Variants in ATAD2B observed in about 807,000 individuals in gnomAD.
ATAD2B encodes ATPase family AAA domain-containing protein 2B.
ATAD2B carries 40 observed loss-of-function variants against 167.6 expected under a neutral mutation model. The observed-to-expected ratio is 0.24, with a 90% confidence interval of 0.19 to 0.31. The LOEUF is 0.31. Among genes scored for constraint, ATAD2B ranks in the 10% least tolerant of loss-of-function variants. The pLI, the probability that ATAD2B is intolerant of heterozygous loss-of-function variation, is 1.00. For synonymous variants in ATAD2B, 579 were observed against 596.5 expected (o/e 0.97, Z 0.43); for missense variants, 1,242 against 1,757.2 (o/e 0.71, Z 5.24).
intron 15 of ATAD2B, among the ~76,000 whole-genome samples, chr2:23,827,577 G>A (rs892737939): frequency 6.6e-6 from 1 of 152,120 alleles, no homozygotes; most frequent in African/African-American, 2.4e-5. Context: ...TTCCCAGTCC[G>A]ATCTGAACTC....
At chr2:23,767,038 A>C (rs1276214828) in intron 22 of ATAD2B, among the ~76,000 whole-genome samples, 1 of 152,160 alleles carries the variant, frequency 6.6e-6, no homozygotes, top group Non-Finnish European at 1.5e-5. Flanking sequence ...ATGAGTTCTA[A>C]ATTTCTTTTC....
intron 21 of ATAD2B, among the ~76,000 whole-genome samples, chr2:23,785,233 A>T (rs1285998883): frequency 6.6e-6 from 1 of 152,098 alleles, no homozygotes; most frequent in Non-Finnish European, 1.5e-5. Flanking sequence ...TGAATCACCC[A>T]TAATTCATTT....
At chr2:23,794,897 A>G (rs1211277734) in intron 19 of ATAD2B, among the ~76,000 whole-genome samples, 1 of 152,184 alleles carries the variant, frequency 6.6e-6, no homozygotes. Flanking sequence ...ATGCACAAGT[A>G]CAAACTTATC....
the ATAD2B span, among the ~76,000 whole-genome samples, chr2:23,681,008 G>A: frequency 6.6e-6 from 1 of 152,228 alleles, no homozygotes; most frequent in Non-Finnish European, 1.5e-5. The surrounding 1 kb of genome is among the most constrained non-coding windows in gnomAD (Gnocchi z 4.2). Flanking sequence ...AAGCTTCTCA[G>A]AGATCAGGGA....
chr2:23,855,192 CAA>C (rs869284711), intron 13 of ATAD2B, among the ~76,000 whole-genome samples: 5,531 of 95,160 alleles, frequency 0.058, 97 homozygotes, highest in Admixed American at 0.078. Flanking sequence ...GACTCTGTCT[CAA>C]AAAAAAAAAA....
Position 23,803,215 on chromosome 2 carries a change from G to A in ATAD2B, c.2455-4892C>T, listed in dbSNP as rs73922015. 2.5e-3 allele frequency among the ~76,000 whole-genome samples: 376 copies of A among 152,102 alleles called. 2 individuals are homozygous for A. The highest frequency in any genetic ancestry group is 8.5e-3 in the African/African-American group (352 of 41,486). The stretch of plus-strand genomic sequence containing the variant: ...TTGTTGTAGGACTCAGTAATTACTT[G>A]TGAACTTAAGGGGGCAACTATAAAT... On this transcript the variant is annotated intron_variant, in intron 18 of 27. Transcript: ENST00000238789.
the ATAD2B span, among the ~76,000 whole-genome samples, chr2:23,724,605 A>G: frequency 1.3e-5 from 2 of 152,166 alleles, no homozygotes; most frequent in Non-Finnish European, 2.9e-5. Context: ...TGATTACTGA[A>G]AACTTCCCAA....
intron 22 of ATAD2B, among the ~76,000 whole-genome samples, chr2:23,780,331 A>G (rs935438168): frequency 6.7e-6 from 1 of 149,876 alleles, no homozygotes; most frequent in Non-Finnish European, 1.5e-5. Flanking sequence ...AAAAGAGGTA[A>G]AGCAAACAAA....
chr2:23,838,123 AAT>A (rs1196579022), intron 13 of ATAD2B, among the ~76,000 whole-genome samples: 1 of 152,222 alleles, frequency 6.6e-6, no homozygotes, highest in Non-Finnish European at 1.5e-5. Flanking sequence ...CTATAAGCGG[AAT>A]CAAAATGCTA....
chr2:23,884,839 C>T lies in ATAD2B; in HGVS notation c.710G>A (p.Arg237Gln), dbSNP rs751664486. The T allele has an allele frequency of 3.1e-6, 5 of 1,594,230 alleles. No homozygotes were observed. Among genetic ancestry groups the T allele is most frequent in the Non-Finnish European group, 3.4e-6 (4 of 1,169,642 alleles). ...NMDMYSRVKR[R>Q]RKSLRRNSYG... The stretch of plus-strand genomic sequence containing the variant: ...ACTATTTCTTCTTAGTGACTTTCTT[C>T]GCCTTTTCACTCTTGAATACATATC... The change falls in exon 6 of 28, where the codon CGA (arginine) becomes CAA (glutamine). Residue 237 changes from arginine (R) to glutamine (Q), a missense_variant. Physicochemically the swap from Arg to Gln is conservative, Grantham distance 43. Around this residue, in one of 9 missense-constraint regions of ATAD2B, gnomAD observed 99 missense variants for 160.4 expected, o/e 0.62. Coordinates refer to ENST00000238789, the MANE Select transcript of ATAD2B (RefSeq NM_017552.4).
the ATAD2B span, among the ~76,000 whole-genome samples, chr2:23,732,662 C>G: frequency 7.4e-4 from 113 of 152,258 alleles, no homozygotes; most frequent in African/African-American, 2.6e-3. Flanking sequence ...TCCTAAACTT[C>G]ACAACAGCCC....
intron 22 of ATAD2B, among the ~76,000 whole-genome samples, chr2:23,782,433 A>G (rs2149389205): frequency 6.6e-6 from 1 of 152,358 alleles, no homozygotes; most frequent in East Asian, 1.9e-4. Context: ...AAAATAACAC[A>G]GTTACATAGA....
At chr2:23,907,558 G>C (rs1701676610) in intron 1 of ATAD2B, among the ~76,000 whole-genome samples, 1 of 152,176 alleles carries the variant, frequency 6.6e-6, no homozygotes, top group African/African-American at 2.4e-5. Context: ...GTAATTTACA[G>C]ATTCAATGCC....
chr2:23,892,350 G>T (rs1284367607), intron 2 of ATAD2B, among the ~76,000 whole-genome samples: 1 of 152,072 alleles, frequency 6.6e-6, no homozygotes. Flanking sequence ...TTTTTTAGTA[G>T]AGACGGGGTT....
intron 9 of ATAD2B, 22 bp from the exon 10 acceptor site, chr2:23,867,968 G>C (rs1350616151): frequency 1.3e-6 from 2 of 1,486,956 alleles, no homozygotes; most frequent in Non-Finnish European, 1.9e-6. Flanking sequence ...AAAAGTGCAA[G>C]TAAAGTTGCA....
chr2:23,807,414 T>G (rs1284468712), intron 18 of ATAD2B, among the ~76,000 whole-genome samples: 1 of 152,164 alleles, frequency 6.6e-6, no homozygotes, highest in Non-Finnish European at 1.5e-5. Flanking sequence ...TCAAAAGAGT[T>G]GATCAGAAGA....
At chr2:23,868,963 A>G (rs1695540475) in intron 9 of ATAD2B, among the ~76,000 whole-genome samples, 1 of 152,212 alleles carries the variant, frequency 6.6e-6, no homozygotes, top group African/African-American at 2.4e-5. Context: ...AATAGGCATT[A>G]AACGCTTTTA....
Position 23,765,625 on chromosome 2 carries a change from T to C in ATAD2B, c.3137A>G (p.Lys1046Arg). 1 of 1,396,062 alleles carries C rather than the reference T, an allele frequency of 7.2e-7. No individual in the cohort carries two copies. The highest frequency in any genetic ancestry group is 9.4e-7 in the Non-Finnish European group (1 of 1,063,712). The allele number at this position is 1,396,062 out of a possible 1,614,324, so 86.5% of individuals were successfully genotyped here. A position where few individuals can be genotyped will look rare whatever the true frequency, so the allele number is the denominator to read the frequency against. ...GGTACAAGCCCTGTGCCTAATTATT[T>C]TATCTGTTAAAAAAGTTGGTATATA... The part of the protein sequence containing the change: ...EYNPDKDPGD[K>R]IIRHRACTLK... Residue 1046 changes from lysine to arginine, a missense_variant, in exon 23 of 28, where the codon AAA becomes AGA. By Grantham distance (26) the Lys-to-Arg change is conservative (BLOSUM62 2). Around this residue, in one of 9 missense-constraint regions of ATAD2B, gnomAD observed 204 missense variants for 324.0 expected, o/e 0.63. Transcript: ENST00000238789.
chr2:23,760,398 C>T (rs1037584187), intron 24 of ATAD2B, among the ~76,000 whole-genome samples: 1 of 152,094 alleles, frequency 6.6e-6, no homozygotes, highest in African/African-American at 2.4e-5. Context: ...TGGTGGCTCA[C>T]ACCTGTACTT....
Sources: allele counts gnomAD v4.1 joint callset (sites outside exome capture counted in the v4.1 genomes callset), GRCh38; gene constraint gnomAD v4.1.1; regional missense constraint gnomAD v4.1.1; non-coding constraint Gnocchi (gnomAD v3.1); transcripts MANE v1.5; gene names NCBI Gene and HGNC (gene_info 2026-07-23, HGNC 2026-07-21).